Variants in AUTS2 observed in about 807,000 individuals in gnomAD.
AUTS2 encodes the protein autism susceptibility gene 2 protein.
AUTS2 carries 17 observed loss-of-function variants against 112.4 expected under a neutral mutation model. The ratio of observed to expected loss-of-function variants is 0.15; its 90% CI spans 0.10 to 0.23. AUTS2 has a LOEUF of 0.23. AUTS2 is among the 10% of genes least tolerant of loss of function. AUTS2 has a pLI of 1.00. For missense variants in AUTS2, 1,510 were observed against 1,701.6 expected, an observed-to-expected ratio of 0.89 and a Z score of 1.98; for synonymous variants, 751 against 702.7, an observed-to-expected ratio of 1.07 and a Z score of -1.09.
At chr7:70,322,327 T>C (rs912956609) in intron 4 of AUTS2, among the ~76,000 whole-genome samples, 15 of 152,196 alleles carry the variant, frequency 9.9e-5, no homozygotes, top group African/African-American at 3.6e-4. Context: ...GAATGGTGAT[T>C]CTGTGGATGA....
rs527356851 is a variant in AUTS2, at chr7:69,976,376, G to A, written c.522+76878G>A. Reference sequence around the variant, plus strand: ...ATAATATTCCATTGTATGAATATACGGCATACTGTTTGTCCATTCATCCAT... The same window carrying A: ...ATAATATTCCATTGTATGAATATACAGCATACTGTTTGTCCATTCATCCAT... On this transcript the variant is annotated intron_variant, in intron 2 of 18. Coordinates refer to ENST00000342771, the MANE Select transcript of AUTS2 (RefSeq NM_015570.4). Among the ~76,000 whole-genome samples the A allele has an allele frequency of 2.6e-5, 4 of 152,124 alleles. No individual in the cohort carries two copies. The East Asian group carries it at 5.8e-4, about 22-fold the overall frequency.
chr7:70,524,062 G>A (rs909678250), intron 5 of AUTS2, among the ~76,000 whole-genome samples: 1 of 152,218 alleles, frequency 6.6e-6, no homozygotes, highest in Non-Finnish European at 1.5e-5. Context: ...TACATTTGGA[G>A]GCAACGCTAC....
chr7:69,849,929 T>C (rs1446365933), intron 1 of AUTS2, among the ~76,000 whole-genome samples: 1 of 152,182 alleles, frequency 6.6e-6, no homozygotes, highest in Non-Finnish European at 1.5e-5. Flanking sequence ...TGTGTGGAAG[T>C]AAATTTTCAT....
chr7:70,128,697 T>C (rs1431890142), intron 3 of AUTS2, among the ~76,000 whole-genome samples: 1 of 152,214 alleles, frequency 6.6e-6, no homozygotes, highest in Non-Finnish European at 1.5e-5. Flanking sequence ...GGTGTTGTAT[T>C]AATTTCCTGG....
intron 2 of AUTS2, among the ~76,000 whole-genome samples, chr7:70,063,617 G>A (rs1301040917): frequency 1.3e-5 from 2 of 152,176 alleles, no homozygotes; most frequent in Non-Finnish European, 2.9e-5. Context: ...CATGCATTGT[G>A]TAAGGAAAGT....
chr7:70,479,232 A>G (rs1797698002), intron 5 of AUTS2, among the ~76,000 whole-genome samples: 1 of 152,164 alleles, frequency 6.6e-6, no homozygotes, highest in South Asian at 2.1e-4. Context: ...TCTTTCCTAA[A>G]TGAACATTAA....
intron 5 of AUTS2, among the ~76,000 whole-genome samples, chr7:70,511,152 A>C (rs1441737300): frequency 1.3e-5 from 2 of 151,804 alleles, no homozygotes; most frequent in African/African-American, 4.8e-5. Context: ...CTCGGCCTTT[A>C]ATTTTTAATT....
chr7:70,337,703 T>A (rs1362873087), intron 4 of AUTS2, among the ~76,000 whole-genome samples: 2 of 152,250 alleles, frequency 1.3e-5, no homozygotes, highest in African/African-American at 4.8e-5. Flanking sequence ...TGTGGCACTA[T>A]TCTTCTTTTA....
chr7:70,704,536 CCT>C (rs1346798850), intron 6 of AUTS2, among the ~76,000 whole-genome samples: 1 of 152,198 alleles, frequency 6.6e-6, no homozygotes, highest in Admixed American at 6.5e-5. Flanking sequence ...TGTTCATCAG[CCT>C]CTCTTCAATC....
At chr7:69,871,438 G>T (rs1793492196) in intron 1 of AUTS2, among the ~76,000 whole-genome samples, 1 of 152,168 alleles carries the variant, frequency 6.6e-6, no homozygotes, top group Non-Finnish European at 1.5e-5. Flanking sequence ...ACCACAGATA[G>T]TACTGGCCCC....
chr7:69,647,748 T>C (rs1795095870), intron 1 of AUTS2, among the ~76,000 whole-genome samples: 1 of 152,130 alleles, frequency 6.6e-6, no homozygotes, highest in African/African-American at 2.4e-5. Flanking sequence ...ACAACAGAAA[T>C]AGTCTCATAG....
At chr7:70,003,825 A>AAT (rs1195092691) in intron 2 of AUTS2, among the ~76,000 whole-genome samples, 4 of 88,854 alleles carry the variant, frequency 4.5e-5, no homozygotes, top group East Asian at 5.8e-4. Flanking sequence ...GTTATATATG[A>AAT]ATATATAATA....
intron 2 of AUTS2, among the ~76,000 whole-genome samples, chr7:70,113,841 G>A (rs1805215478): frequency 6.6e-6 from 1 of 152,184 alleles, no homozygotes; most frequent in Non-Finnish European, 1.5e-5. Flanking sequence ...CAAATGCCAA[G>A]CAGATGTGCA....
At chr7:70,347,237 C>A (rs1791536798) in intron 4 of AUTS2, among the ~76,000 whole-genome samples, 2 of 152,200 alleles carry the variant, frequency 1.3e-5, no homozygotes, top group Admixed American at 1.3e-4. Context: ...TGATACCTCC[C>A]CACCTCCTTC....
intron 5 of AUTS2, among the ~76,000 whole-genome samples, chr7:70,526,082 GTC>G (rs1799829503): frequency 6.6e-6 from 1 of 152,130 alleles, no homozygotes; most frequent in East Asian, 1.9e-4. Flanking sequence ...AATTCTCGCT[GTC>G]TCTCAACCTC....
chr7:70,389,741 C>G lies in AUTS2; in HGVS notation c.661-46011C>G, dbSNP rs1042578793. The stretch of plus-strand genomic sequence containing the variant: ...GCTCAGATACTGTAAATACCCTCCT[C>G]TCCTCTCATAACGTTAAATTTTTCA... On this transcript the variant is annotated intron_variant, in intron 4 of 18. Transcript: ENST00000342771. Among the ~76,000 whole-genome samples, 4 of 152,080 alleles carry G rather than the reference C, an allele frequency of 2.6e-5. No individual in the cohort carries two copies. The East Asian group carries it at 7.7e-4, about 29-fold the overall frequency.
chr7:69,708,442 T>G (rs1268313688), intron 1 of AUTS2, among the ~76,000 whole-genome samples: 1 of 152,170 alleles, frequency 6.6e-6, no homozygotes, highest in Non-Finnish European at 1.5e-5. Flanking sequence ...CAAACATCAT[T>G]TCCTTTAGGG....
At chr7:70,683,649 G>A (rs552759130) in intron 5 of AUTS2, among the ~76,000 whole-genome samples, 1 of 152,336 alleles carries the variant, frequency 6.6e-6, no homozygotes, top group African/African-American at 2.4e-5. Flanking sequence ...AGAAATTTCT[G>A]GTGTAATTCA....
chr7:70,586,233 T>C (rs561110584), intron 5 of AUTS2, among the ~76,000 whole-genome samples: 5 of 152,276 alleles, frequency 3.3e-5, no homozygotes, highest in African/African-American at 1.2e-4. Flanking sequence ...ATAGCAAAAG[T>C]ATAAATGCCA....
Sources: gnomAD v4.1 joint callset for allele counts (sites outside exome capture counted in the v4.1 genomes callset) on GRCh38, gnomAD v4.1.1 for gene constraint, MANE v1.5 for transcripts, NCBI Gene and HGNC (gene_info 2026-07-23, HGNC 2026-07-21) for gene names.